Variants in DIXDC1 observed in about 807,000 individuals in gnomAD.
The protein encoded by DIXDC1 is DIX domain containing 1.
In DIXDC1, 64 loss-of-function variants were observed where a neutral mutation model predicts 103.1. That is an observed-to-expected ratio of 0.62 (90% CI 0.51 to 0.76). DIXDC1 has a LOEUF of 0.76. Ranked by LOEUF, DIXDC1 falls within the 30% of genes least tolerant of loss-of-function variation. The pLI, the probability that DIXDC1 is intolerant of heterozygous loss-of-function variation, is 0.00. For missense variants in DIXDC1, 759 were observed against 834.2 expected, an observed-to-expected ratio of 0.91 and a Z score of 1.11; for synonymous variants, 266 against 298.5, an observed-to-expected ratio of 0.89 and a Z score of 1.12.
chr11:111,977,476 C>T lies in DIXDC1; in HGVS notation c.656+2493C>T. 7.6e-7 allele frequency: 1 copy of T among 1,309,424 alleles called. No individual in the cohort carries two copies. Among genetic ancestry groups the T allele is most frequent in the Non-Finnish European group, 9.7e-7 (1 of 1,031,168 alleles). The allele number at this position is 1,309,424 out of a possible 1,614,324, so 81.1% of individuals were successfully genotyped here. ...AGATGCAGCGGCCAGGGGCCGGCAG[C>T]CTGCGAGGGGAGGCAGCTTCCGCCG... On this transcript the variant is annotated intron_variant, in intron 5 of 19. Coordinates refer to ENST00000440460, the MANE Select transcript of DIXDC1 (RefSeq NM_001037954.4). The surrounding 1 kb of genome is among the most constrained non-coding windows in gnomAD (Gnocchi z 6.1).
upstream of DIXDC1, chr11:111,937,170 G>A: frequency 1.0e-6 from 1 of 979,238 alleles, no homozygotes; most frequent in Non-Finnish European, 1.2e-6. Flanking sequence ...CGTGCAGCGC[G>A]CGCCCTCGCC....
Position 112,017,977 on chromosome 11 carries a change from A to C in DIXDC1, c.1971+92A>C. The C allele has an allele frequency of 4.0e-6, 4 of 1,000,872 alleles. No individual in the cohort carries two copies. The allele number at this position is 1,000,872 out of a possible 1,614,324, so 62.0% of individuals were successfully genotyped here. A position where few individuals can be genotyped will look rare whatever the true frequency, so the allele number is the denominator to read the frequency against. ...AAGCACTAGTGTCCAGAAGTACATG[A>C]GTTCCCTGACTAGGTCAGAAGAATT... On this transcript the variant is annotated intron_variant, in intron 19 of 19. Coordinates refer to ENST00000440460, the MANE Select transcript of DIXDC1 (RefSeq NM_001037954.4). This position sits in a 1 kb window ranked among gnomAD's most constrained non-coding sequence, Gnocchi z 4.0.
At chr11:112,006,477 C>T (rs1367570561) in intron 17 of DIXDC1, among the ~76,000 whole-genome samples, 3 of 152,386 alleles carry the variant, frequency 2.0e-5, no homozygotes, top group Non-Finnish European at 2.9e-5. Context: ...GGACAGACTG[C>T]CTCCTCAAGT....
At chr11:111,968,794 G>A (rs1345981543) in intron 3 of DIXDC1, among the ~76,000 whole-genome samples, 156 bp downstream of exon 3, 2 of 151,528 alleles carry the variant, frequency 1.3e-5, no homozygotes, top group African/African-American at 2.4e-5. Context: ...TATTTTTTGC[G>A]ACGGAGTTTC....
intron 1 of DIXDC1, among the ~76,000 whole-genome samples, chr11:111,961,015 G>A (rs1191789786): frequency 6.6e-6 from 1 of 152,204 alleles, no homozygotes; most frequent in African/African-American, 2.4e-5. Flanking sequence ...AGCCAGGTAT[G>A]GCAACAGCGG....
intron 1 of DIXDC1, among the ~76,000 whole-genome samples, chr11:111,956,580 C>T (rs1348246432): frequency 1.3e-5 from 2 of 152,152 alleles, no homozygotes; most frequent in Non-Finnish European, 2.9e-5. Flanking sequence ...ACCTCCGCCT[C>T]CCAGGTTCAA....
intron 15 of DIXDC1, 76 bp downstream of exon 15, chr11:111,995,184 G>T (rs1860853735): frequency 4.1e-6 from 6 of 1,476,220 alleles, no homozygotes; most frequent in Non-Finnish European, 2.8e-6. Flanking sequence ...ATGGCCAGTG[G>T]ATGAGGCCTT....
chr11:111,943,736 G>A (rs587667597), intron 1 of DIXDC1, among the ~76,000 whole-genome samples: 19 of 151,886 alleles, frequency 1.3e-4, no homozygotes, highest in South Asian at 2.1e-4. Flanking sequence ...TCCTGACTTC[G>A]TGATCCGCCC....
intron 16 of DIXDC1, 94 bp downstream of exon 16, chr11:111,995,658 A>G: frequency 6.7e-7 from 1 of 1,488,464 alleles, no homozygotes; most frequent in East Asian, 2.3e-5. Context: ...GTGAAGAGAT[A>G]CAAGACCCTG....
At chr11:111,966,368 G>A (rs1279406961) in intron 2 of DIXDC1, among the ~76,000 whole-genome samples, 3 of 145,374 alleles carry the variant, frequency 2.1e-5, no homozygotes, top group Non-Finnish European at 1.5e-5. Context: ...GACTACATGC[G>A]TGCACCACCA....
Position 111,971,494 on chromosome 11 carries a change from T to C in DIXDC1, c.317-2529T>C, listed in dbSNP as rs184483465. On this transcript the variant is annotated intron_variant, in intron 3 of 19. Coordinates refer to ENST00000440460, the MANE Select transcript of DIXDC1 (RefSeq NM_001037954.4). ...GGCTGTGGAGAAAAGGGGACACATA[T>C]ATTGTTGGTGGGAATGTAACTTTGT... is the stretch of plus-strand genomic sequence containing the variant. Among the ~76,000 whole-genome samples the C allele has an allele frequency of 3.6e-3, 550 of 152,342 alleles. 2 individuals are homozygous for C. The highest frequency in any genetic ancestry group is 0.012 in the African/African-American group (510 of 41,572).
chr11:112,013,327 TGGGGTG>T (rs1566582199), intron 17 of DIXDC1, among the ~76,000 whole-genome samples: 4 of 49,954 alleles, frequency 8.0e-5, no homozygotes, highest in African/African-American at 2.7e-4. Context: ...GGGGTGGGGG[TGGGGTG>T]GGGGGGGGGA....
rs587602613 is a variant in DIXDC1, at chr11:111,977,589, C to G, written c.656+2606C>G. 1.5e-4 allele frequency: 222 copies of G among 1,506,216 alleles called. 1 individual carries two copies. In the African/African-American group the frequency reaches 2.6e-3, roughly 18 times the overall value. 93.3% of individuals were successfully genotyped at this position (1,506,216 alleles called of 1,614,324 possible). The stretch of plus-strand genomic sequence containing the variant: ...AGTCGCTGGGGCCGAGACGCCGCCG[C>G]CGCCGCCGTTCCCGCTTTCTCCCGC... On this transcript the variant is annotated intron_variant, in intron 5 of 19. Coordinates refer to ENST00000440460, the MANE Select transcript of DIXDC1 (RefSeq NM_001037954.4). The surrounding 1 kb of genome is among the most constrained non-coding windows in gnomAD (Gnocchi z 6.1).
intron 1 of DIXDC1, among the ~76,000 whole-genome samples, chr11:111,948,447 C>T (rs1464575704): frequency 6.6e-6 from 1 of 152,154 alleles, no homozygotes; most frequent in Non-Finnish European, 1.5e-5. Context: ...ACTTCCTTTG[C>T]CCTGGTGGTC....
chr11:111,994,312 C>T (rs1019754521), intron 14 of DIXDC1, among the ~76,000 whole-genome samples: 3 of 151,948 alleles, frequency 2.0e-5, no homozygotes, highest in Admixed American at 6.6e-5. Context: ...AGCTTGAACC[C>T]GGTGGGTAGA....
chr11:111,982,263 C>CGCTA, intron 6 of DIXDC1, 76 bp from the exon 7 acceptor site: 1 of 1,518,568 alleles, frequency 6.6e-7, no homozygotes, highest in South Asian at 1.3e-5. Context: ...AACCTGTGAA[C>CGCTA]GCTACCCTGT....
intron 17 of DIXDC1, among the ~76,000 whole-genome samples, chr11:112,013,284 T>A (rs986808741): frequency 1.8e-5 from 2 of 111,400 alleles, no homozygotes; most frequent in Non-Finnish European, 3.3e-5. Context: ...AAATAGCAGA[T>A]AAGGGCTTCA....
At chr11:111,955,303 C>G (rs1487453824) in intron 1 of DIXDC1, among the ~76,000 whole-genome samples, 2 of 141,574 alleles carry the variant, frequency 1.4e-5, no homozygotes, top group Admixed American at 1.5e-4. Flanking sequence ...GATTGTGCCA[C>G]TGCACTCCAG....
chr11:112,017,943 C>T lies in DIXDC1; in HGVS notation c.1971+58C>T, dbSNP rs1179598607. ...ATTGGTCCTTTCTGAACCCTGAAGC[C>T]TCCTGTTCAAGCACTAGTGTCCAGA... On this transcript the variant is annotated intron_variant, in intron 19 of 19. Transcript: ENST00000440460. The surrounding 1 kb of genome is among the most constrained non-coding windows in gnomAD (Gnocchi z 4.0). The T allele has an allele frequency of 1.4e-6, 2 of 1,397,736 alleles. No homozygotes were observed. Among genetic ancestry groups the T allele is most frequent in the African/African-American group, 1.4e-5 (1 of 69,958 alleles). The allele number at this position is 1,397,736 out of a possible 1,614,324, so 86.6% of individuals were successfully genotyped here.
Sources: allele counts gnomAD v4.1 joint callset (sites outside exome capture counted in the v4.1 genomes callset), GRCh38; gene constraint gnomAD v4.1.1; non-coding constraint Gnocchi (gnomAD v3.1); transcripts MANE v1.5; gene names NCBI Gene and HGNC (gene_info 2026-07-23, HGNC 2026-07-21).